MLX: variants seen among roughly 807,000 people sequenced by gnomAD.
MLX encodes the protein MAX dimerization protein MLX, also known as max-like protein X.
Under a neutral mutation model 33.0 loss-of-function variants are expected in MLX, and 15 were observed. That is an observed-to-expected ratio of 0.45 (90% CI 0.30 to 0.70). The LOEUF is 0.70. MLX is among the 30% of genes least tolerant of loss of function. The pLI, the probability that MLX is intolerant of heterozygous loss-of-function variation, is 0.07. For synonymous variants in MLX, 115 were observed against 115.6 expected, an observed-to-expected ratio of 0.99 and a Z score of 0.03; for missense variants, 285 against 306.3, an observed-to-expected ratio of 0.93 and a Z score of 0.52.
In MLX at chr17:42,572,999, T is replaced by G; in HGVS notation, c.*1396T>G. 1 of 1,614,256 alleles carries G rather than the reference T, an allele frequency of 6.2e-7. No individual in the cohort carries two copies. Among genetic ancestry groups the G allele is most frequent in the Non-Finnish European group, 8.5e-7 (1 of 1,180,046 alleles). Reference sequence around the variant, plus strand: ...GTCTGGGAGTGTGACGTTGTAATCTTCATCCGTCTCTATCCCAACTTCCTC... The same window carrying G: ...GTCTGGGAGTGTGACGTTGTAATCTGCATCCGTCTCTATCCCAACTTCCTC... On this transcript the variant is annotated 3_prime_UTR_variant, in exon 8 of 8. Transcript: ENST00000435881.
intron 4 of MLX, 81 bp from the exon 5 acceptor site, chr17:42,569,123 T>A (rs1445691920): frequency 1.4e-6 from 2 of 1,406,210 alleles, no homozygotes; most frequent in African/African-American, 1.4e-5. Context: ...AGCATAGAAC[T>A]TGGTGTCATG....
chr17:42,568,889 C>T lies in MLX; in HGVS notation c.222C>T (p.Asp74=), dbSNP rs546877911. ...AGGCCTACAAGGAGTCCTACAAAGA[C>T]CGGCGGCGGCGCGCACACACTCAGG... The part of the protein sequence containing the change: ...HQEAYKESYK[D]RRRRAHTQAE... Residue 74 remains aspartate (D), a synonymous_variant, in exon 4 of 8, where the codon GAC becomes GAT. Transcript: ENST00000435881. 15 of 1,611,742 alleles carry T rather than the reference C, an allele frequency of 9.3e-6. No homozygotes were observed. Among genetic ancestry groups the T allele is most frequent in the South Asian group, 7.7e-5 (7 of 90,698 alleles).
At chr17:42,571,369 C>G (rs1036325319) in intron 7 of MLX, among the ~76,000 whole-genome samples, 178 bp from the exon 8 acceptor site, 4 of 152,144 alleles carry the variant, frequency 2.6e-5, no homozygotes, top group Non-Finnish European at 5.9e-5. Context: ...TCAGGTGATC[C>G]ACCCGCCTTG....
chr17:42,568,975 C>G (rs778097041), intron 4 of MLX, 32 bp downstream of exon 4: 2 of 1,574,376 alleles, frequency 1.3e-6, no homozygotes, highest in East Asian at 2.3e-5. Context: ...TCAGCCAGTG[C>G]GGGAGGGCCC....
At position 42,572,157 on chromosome 17, in the gene MLX, A is replaced by C. The variant is rs1390504565; in HGVS notation, c.*554A>C. The C allele has an allele frequency of 1.2e-5, 4 of 345,432 alleles. No individual in the cohort carries two copies. The highest frequency in any genetic ancestry group is 7.6e-5 in the East Asian group (1 of 13,102). The allele number at this position is 345,432 out of a possible 1,614,324, so 21.4% of individuals were successfully genotyped here. A position where few individuals can be genotyped will look rare whatever the true frequency, so the allele number is the denominator to read the frequency against. ...GCCTGGTCAGTCCCAGGTGAGGCCA[A>C]GGGCTTTCTGGCCATCTCAGGGAGG... On this transcript the variant is annotated 3_prime_UTR_variant, in exon 8 of 8. Transcript: ENST00000435881.
At position 42,571,549 on chromosome 17, in the gene MLX, C is replaced by G. The variant is rs776778425; in HGVS notation, c.681C>G (p.Thr227=). The change falls in exon 8 of 8, where the codon ACC becomes ACG. Residue 227 remains threonine (T), a splice_region_variant and synonymous_variant. Transcript: ENST00000435881. ...SWIEEHCKPQ[T]LREIVIGVLH... ...TCTTCCTCTGCTGCCCTCGCCAGAC[C>G]CTGCGGGAGATTGTGATTGGCGTCC... is the stretch of plus-strand genomic sequence containing the variant. 1 of 1,614,038 alleles carries G rather than the reference C, an allele frequency of 6.2e-7. No homozygotes were observed. The highest frequency in any genetic ancestry group is 1.3e-5 in the African/African-American group (1 of 74,918).
Position 42,571,841 on chromosome 17 carries a change from C to A in MLX, c.*238C>A. The A allele has an allele frequency of 1.9e-6, 1 of 533,616 alleles. No individual in the cohort carries two copies. The highest frequency in any genetic ancestry group is 3.4e-6 in the Non-Finnish European group (1 of 295,644). The allele number at this position is 533,616 out of a possible 1,614,324, so 33.1% of individuals were successfully genotyped here. A position where few individuals can be genotyped will look rare whatever the true frequency, so the allele number is the denominator to read the frequency against. ...ATAAAACTCAAACCTACCCAGCCTT[C>A]CCCCCACTCCATGGAAGTCCTTGGG... On this transcript the variant is annotated 3_prime_UTR_variant, in exon 8 of 8. Transcript: ENST00000435881.
Position 42,571,656 on chromosome 17 carries a change from GTGGCCACTGA to G in MLX, c.*54_*63del. On this transcript the variant is annotated 3_prime_UTR_variant, in exon 8 of 8. Coordinates refer to ENST00000435881, the MANE Select transcript of MLX (RefSeq NM_198204.2). ...CAACAAGAGGCCCTTGAATCTCTACGTGGCCACTGAACTGCTGGGCCCGGGAGACTGGACT... is the reference window on the plus strand; with the variant it reads ...CAACAAGAGGCCCTTGAATCTCTACGACTGCTGGGCCCGGGAGACTGGACT... 1 of 1,554,856 alleles carries G rather than the reference GTGGCCACTGA, an allele frequency of 6.4e-7. No individual in the cohort carries two copies. Among genetic ancestry groups the G allele is most frequent in the Non-Finnish European group, 8.9e-7 (1 of 1,126,740 alleles).
At position 42,569,503 on chromosome 17, in the gene MLX, C is replaced by T. The variant is rs770780713; in HGVS notation, c.377-4C>T. 5 of 1,613,154 alleles carry T rather than the reference C, an allele frequency of 3.1e-6. No homozygotes were observed. The Admixed American group carries it at 8.3e-5, about 27-fold the overall frequency. ...CTGTCCTTTTTTTCTTGCCCCCACC[C>T]TAGCCATTGACTACATTCAGTTTTT... is the stretch of plus-strand genomic sequence containing the variant. On this transcript the variant is annotated splice_polypyrimidine_tract_variant and splice_region_variant and intron_variant, in intron 5 of 7. Coordinates refer to ENST00000435881, the MANE Select transcript of MLX (RefSeq NM_198204.2).
Position 42,571,556 on chromosome 17 carries a change from G to A in MLX, c.688G>A (p.Glu230Lys), listed in dbSNP as rs150470672. The change falls in exon 8 of 8, where the codon GAG becomes AAG. Residue 230 changes from glutamate to lysine, a missense_variant. Transcript: ENST00000435881. Reference sequence around the variant, plus strand: ...CTGCTGCCCTCGCCAGACCCTGCGGGAGATTGTGATTGGCGTCCTGCACCA... The same window carrying A: ...CTGCTGCCCTCGCCAGACCCTGCGGAAGATTGTGATTGGCGTCCTGCACCA... ...EEHCKPQTLR[E>K]IVIGVLHQLK... The A allele has an allele frequency of 6.2e-7, 1 of 1,614,064 alleles. No homozygotes were observed. The highest frequency in any genetic ancestry group is 1.3e-5 in the African/African-American group (1 of 74,928).
chr17:42,570,524 T>C (rs1164607723), intron 7 of MLX, among the ~76,000 whole-genome samples: 1 of 152,216 alleles, frequency 6.6e-6, no homozygotes, highest in African/African-American at 2.4e-5. Context: ...CCTAAAGTAG[T>C]TGCCCCAAGA....
chr17:42,568,689 A>T, intron 3 of MLX, 130 bp downstream of exon 3: 1 of 1,062,972 alleles, frequency 9.4e-7, no homozygotes, highest in Non-Finnish European at 1.4e-6. Context: ...ACAAGGTCTC[A>T]CCATCTTTCA....
chr17:42,567,394 C>A, intron 1 of MLX: 2 of 1,410,330 alleles, frequency 1.4e-6, no homozygotes, highest in Non-Finnish European at 1.9e-6. Context: ...GGAGTAGGGG[C>A]GGAAGGGATC....
At chr17:42,568,700 C>A in intron 3 of MLX, 137 bp from the exon 4 acceptor site, 1 of 1,071,910 alleles carries the variant, frequency 9.3e-7, no homozygotes. Flanking sequence ...CCATCTTTCA[C>A]CTCATCTGGA....
At chr17:42,569,103 TGA>T in intron 4 of MLX, 99 bp from the exon 5 acceptor site, 3 of 1,316,650 alleles carry the variant, frequency 2.3e-6, no homozygotes, top group Non-Finnish European at 3.3e-6. Context: ...CCCACCCCAT[TGA>T]GTTTGTGAGC....
Position 42,568,437 on chromosome 17 carries a change from C to T in MLX, c.80-33C>T, listed in dbSNP as rs903143416. On this transcript the variant is annotated intron_variant, in intron 2 of 7. Transcript: ENST00000435881. Reference sequence around the variant, plus strand: ...GAGGGTCTGGCAATGTTCCCCACCCCACCCCTTAGTGATTGGGGCCTCTCT... The same window carrying T: ...GAGGGTCTGGCAATGTTCCCCACCCTACCCCTTAGTGATTGGGGCCTCTCT... The T allele has an allele frequency of 2.6e-6, 4 of 1,530,838 alleles. 1 individual carries two copies. The highest frequency in any genetic ancestry group is 2.7e-5 in the African/African-American group (2 of 73,310). 94.8% of individuals were successfully genotyped at this position (1,530,838 alleles called of 1,614,324 possible). A position where few individuals can be genotyped will look rare whatever the true frequency, so the allele number is the denominator to read the frequency against.
Position 42,570,119 on chromosome 17 carries a change from T to C in MLX, c.614T>C (p.Val205Ala), listed in dbSNP as rs2093024650. ...CAGTCCTTCAATGCCTCCATCTCAG[T>C]GGCCAGCTTCCAGGAGCTGTCAGCG... ...LFQSFNASIS[V>A]ASFQELSACV... Residue 205 changes from valine (V) to alanine (A), a missense_variant, in exon 7 of 8, where the codon GTG becomes GCG. Coordinates refer to ENST00000435881, the MANE Select transcript of MLX (RefSeq NM_198204.2). The C allele has an allele frequency of 6.2e-7, 1 of 1,614,118 alleles. No homozygotes were observed.
intron 1 of MLX, chr17:42,567,411 A>G: frequency 7.2e-7 from 1 of 1,390,936 alleles, no homozygotes. Context: ...GATCATACAC[A>G]GGGGAGGCAC....
intron 6 of MLX, 41 bp from the exon 7 acceptor site, chr17:42,569,941 G>A (rs1177006762): frequency 6.3e-7 from 1 of 1,584,238 alleles, no homozygotes; most frequent in African/African-American, 1.3e-5. Context: ...TGGGTGGGCG[G>A]AGCTGCTGCA....
Sources: allele counts gnomAD v4.1 joint callset (sites outside exome capture counted in the v4.1 genomes callset), GRCh38; gene constraint gnomAD v4.1.1; transcripts MANE v1.5; gene names NCBI Gene and HGNC (gene_info 2026-07-23, HGNC 2026-07-21).